NPAS3: variants seen among roughly 807,000 people sequenced by gnomAD.
NPAS3 encodes the protein neuronal PAS domain protein 3.
A neutral mutation model predicts 73.1 loss-of-function variants in NPAS3; 14 were observed. The ratio of observed to expected loss-of-function variants is 0.19; its 90% CI spans 0.13 to 0.30. The LOEUF (loss-of-function observed/expected upper bound fraction) is 0.30. NPAS3 is among the 10% of genes least tolerant of loss of function. The pLI is 1.00. For missense variants in NPAS3, 1,096 were observed against 1,250.0 expected (o/e 0.88, Z 1.86); for synonymous variants, 620 against 541.5 (o/e 1.14, Z -2.01).
intron 1 of NPAS3, among the ~76,000 whole-genome samples, chr14:33,003,297 A>AT (rs1478535839): frequency 6.6e-6 from 1 of 151,954 alleles, no homozygotes; most frequent in East Asian, 1.9e-4. Flanking sequence ...TCTCTTGTTG[A>AT]TAAAAAAAAA....
intron 2 of NPAS3, among the ~76,000 whole-genome samples, chr14:33,152,037 C>T (rs1209262852): frequency 6.6e-6 from 1 of 151,968 alleles, no homozygotes; most frequent in East Asian, 1.9e-4. Context: ...GATTTTGCCC[C>T]TCCTGAGGAC....
chr14:33,628,353 A>C (rs2058281193), intron 5 of NPAS3, among the ~76,000 whole-genome samples: 1 of 152,242 alleles, frequency 6.6e-6, no homozygotes, highest in African/African-American at 2.4e-5. Flanking sequence ...ATGCCAGGAC[A>C]CAGGTTGGAG....
intron 1 of NPAS3, among the ~76,000 whole-genome samples, chr14:33,036,702 C>T (rs1369972989): frequency 2.0e-5 from 3 of 151,926 alleles, no homozygotes; most frequent in Admixed American, 6.6e-5. Context: ...GAAATGACTT[C>T]GTCTACTTCT....
intron 3 of NPAS3, among the ~76,000 whole-genome samples, chr14:33,300,402 A>T (rs2140146763): frequency 6.6e-6 from 1 of 152,346 alleles, no homozygotes; most frequent in African/African-American, 2.4e-5. Flanking sequence ...ACCACGTAAC[A>T]TTGGCCTAGC....
In NPAS3 at chr14:33,580,905, C is replaced by T. The variant is rs77853424; in HGVS notation, c.558+20695C>T. ...CCTATTTCTCTACCCCCACCAGCCC[C>T]GCCAAACATGTTAATCCATTTATGC... On this transcript the variant is annotated intron_variant, in intron 5 of 11. Transcript: ENST00000356141. 5.3e-3 allele frequency among the ~76,000 whole-genome samples: 805 copies of T among 152,260 alleles called. 5 individuals carry two copies. Among genetic ancestry groups the T allele is most frequent in the African/African-American group, 0.018 (747 of 41,542 alleles).
At chr14:33,127,423 C>T (rs149701643) in intron 2 of NPAS3, among the ~76,000 whole-genome samples, 1 of 152,200 alleles carries the variant, frequency 6.6e-6, no homozygotes, top group Non-Finnish European at 1.5e-5. Flanking sequence ...TGGTAAATTA[C>T]ACTTAATGAT....
intron 3 of NPAS3, among the ~76,000 whole-genome samples, chr14:33,264,299 C>T (rs559567748): frequency 6.6e-6 from 1 of 152,108 alleles, no homozygotes; most frequent in Non-Finnish European, 1.5e-5. Flanking sequence ...GGAAGGATAG[C>T]ATTAGGAGAT....
At chr14:33,643,758 T>C (rs2058745053) in intron 5 of NPAS3, among the ~76,000 whole-genome samples, 2 of 152,254 alleles carry the variant, frequency 1.3e-5, no homozygotes, top group African/African-American at 2.4e-5. Context: ...GGAGAAATTC[T>C]ACCCTTTTTG....
At chr14:33,198,046 G>A (rs957343388) in intron 2 of NPAS3, among the ~76,000 whole-genome samples, 1 of 150,500 alleles carries the variant, frequency 6.6e-6, no homozygotes. Flanking sequence ...TCTTAAGGCA[G>A]TGCGTCTAGA....
chr14:33,522,419 G>A lies in NPAS3; in HGVS notation c.469-37702G>A, dbSNP rs374699918. Among the ~76,000 whole-genome samples, 44 of 152,168 alleles carry A rather than the reference G, an allele frequency of 2.9e-4. No homozygotes were observed. In the South Asian group the frequency reaches 5.2e-3, roughly 18 times the overall value. ...TGCAGTGATGTAGTTGTATCCCTGT[G>A]GGTGAGAAATGTTCCTCTCCAAATA... On this transcript the variant is annotated intron_variant, in intron 4 of 11. Coordinates refer to ENST00000356141, the Ensembl canonical transcript of NPAS3.
At chr14:33,707,055 C>T (rs112147050) in intron 6 of NPAS3, among the ~76,000 whole-genome samples, 1 of 152,124 alleles carries the variant, frequency 6.6e-6, no homozygotes, top group Non-Finnish European at 1.5e-5. Flanking sequence ...ACAGTGTAAG[C>T]TTGGGGGAGA....
intron 4 of NPAS3, among the ~76,000 whole-genome samples, chr14:33,557,606 T>G (rs913635292): frequency 3.9e-5 from 6 of 152,248 alleles, no homozygotes; most frequent in Admixed American, 2.6e-4. Flanking sequence ...AAAGTTCAAA[T>G]CTAAACTCCA....
intron 3 of NPAS3, among the ~76,000 whole-genome samples, chr14:33,237,999 G>A (rs1180308826): frequency 2.6e-5 from 4 of 151,654 alleles, no homozygotes; most frequent in Admixed American, 1.3e-4. Flanking sequence ...TTAGGAATTC[G>A]TAGCACATTT....
chr14:33,472,631 A>G (rs1287116073), intron 4 of NPAS3, among the ~76,000 whole-genome samples: 1 of 144,272 alleles, frequency 6.9e-6, no homozygotes, highest in Non-Finnish European at 1.5e-5. Flanking sequence ...AGTGGAGGTT[A>G]GTGAGAAATG....
At chr14:33,585,442 G>T (rs530070726) in intron 5 of NPAS3, among the ~76,000 whole-genome samples, 3 of 152,318 alleles carry the variant, frequency 2.0e-5, no homozygotes, top group African/African-American at 7.2e-5. Context: ...CCATAAGGCA[G>T]TCAGGTCACA....
intron 2 of NPAS3, among the ~76,000 whole-genome samples, chr14:33,104,427 T>C (rs547149686): frequency 6.6e-6 from 1 of 152,330 alleles, no homozygotes; most frequent in Non-Finnish European, 1.5e-5. Flanking sequence ...TCAACTACAC[T>C]GTAGTGAGTT....
intron 3 of NPAS3, among the ~76,000 whole-genome samples, chr14:33,325,601 C>T (rs1319954173): frequency 1.4e-5 from 2 of 147,042 alleles, no homozygotes; most frequent in African/African-American, 5.1e-5. Context: ...GAGTCAAGAT[C>T]GTGCCCTCAG....
At chr14:33,025,481 T>C (rs1005256156) in intron 1 of NPAS3, among the ~76,000 whole-genome samples, 12 of 152,208 alleles carry the variant, frequency 7.9e-5, no homozygotes, top group African/African-American at 2.9e-4. Flanking sequence ...TGGTATCCTC[T>C]ACAAGAGAGG....
chr14:33,034,890 T>A (rs1304313564), intron 1 of NPAS3, among the ~76,000 whole-genome samples: 6 of 152,178 alleles, frequency 3.9e-5, no homozygotes, highest in Non-Finnish European at 1.5e-5. Context: ...TCTTTGAACA[T>A]AGCAATTCTG....
Sources: allele counts gnomAD v4.1 joint callset (sites outside exome capture counted in the v4.1 genomes callset), GRCh38; gene constraint gnomAD v4.1.1; transcripts MANE v1.5; gene names NCBI Gene and HGNC (gene_info 2026-07-23, HGNC 2026-07-21).